RASSF8: variants seen among roughly 807,000 people sequenced by gnomAD.
The protein encoded by RASSF8 is ras association domain-containing protein 8.
In RASSF8, 22 loss-of-function variants were observed where a neutral mutation model predicts 48.5. The ratio of observed to expected loss-of-function variants is 0.45; its 90% CI spans 0.32 to 0.65. RASSF8 has a LOEUF of 0.65. Ranked by LOEUF, RASSF8 falls within the 30% of genes least tolerant of loss-of-function variation. The pLI, the probability that RASSF8 is intolerant of heterozygous loss-of-function variation, is 0.03. For synonymous variants in RASSF8, 127 were observed against 171.5 expected (o/e 0.74, Z 2.03); for missense variants, 418 against 489.2 (o/e 0.85, Z 1.37).
intron 1 of RASSF8, among the ~76,000 whole-genome samples, chr12:25,980,490 C>T (rs1941715472): frequency 6.6e-6 from 1 of 152,188 alleles, no homozygotes; most frequent in Non-Finnish European, 1.5e-5. Context: ...CTGCGTCTTC[C>T]AAACAGGGTT....
At position 26,064,858 on chromosome 12, in the gene RASSF8, T is replaced by G; in HGVS notation, c.464T>G (p.Val155Gly). Residue 155 changes from valine (V) to glycine (G), a missense_variant, in exon 4 of 6, where the codon GTG (valine) becomes GGG (glycine). Transcript: ENST00000689635. The part of the protein sequence containing the change: ...KGKETEFKQK[V>G]LNNCKTTADE... The stretch of plus-strand genomic sequence containing the variant: ...AAAGAAACTGAGTTTAAGCAAAAGG[T>G]GCTGAATAACTGCAAAACAACAGCA... The G allele has an allele frequency of 6.2e-7, 1 of 1,614,166 alleles. No individual in the cohort carries two copies. Among genetic ancestry groups the G allele is most frequent in the Non-Finnish European group, 8.5e-7 (1 of 1,180,028 alleles).
At chr12:26,019,469 G>A (rs565115490) in intron 2 of RASSF8, among the ~76,000 whole-genome samples, 1 of 152,062 alleles carries the variant, frequency 6.6e-6, no homozygotes, top group Non-Finnish European at 1.5e-5. Context: ...TAACTGTGGT[G>A]CAACAAAATC....
Position 26,067,657 on chromosome 12 carries a change from C to A in RASSF8, c.1082C>A (p.Thr361Asn). The change falls in exon 5 of 6, where the codon ACC becomes AAC. Residue 361 changes from threonine to asparagine, a missense_variant. By Grantham distance (65) the Thr-to-Asn change is moderately conservative. Transcript: ENST00000689635. ...QFIQQTGTKV[T>N]VLPAEPIEIE... is the part of the protein sequence containing the mutation. Reference sequence around the variant, plus strand: ...ATCCAGCAGACAGGGACAAAAGTTACCGTTTTGCCAGCGGAGCCCATTGAA... The same window carrying A: ...ATCCAGCAGACAGGGACAAAAGTTAACGTTTTGCCAGCGGAGCCCATTGAA... 6.2e-7 allele frequency: 1 copy of A among 1,614,196 alleles called. No homozygotes were observed. The highest frequency in any genetic ancestry group is 8.5e-7 in the Non-Finnish European group (1 of 1,180,010).
chr12:25,963,597 T>A (rs930506709), intron 1 of RASSF8, among the ~76,000 whole-genome samples: 7 of 152,296 alleles, frequency 4.6e-5, no homozygotes, highest in African/African-American at 1.7e-4. Context: ...GTTTTGTATC[T>A]TATAGATCAC....
At chr12:26,033,729 C>T (rs992541460) in intron 2 of RASSF8, among the ~76,000 whole-genome samples, 3 of 151,944 alleles carry the variant, frequency 2.0e-5, no homozygotes, top group African/African-American at 7.2e-5. Flanking sequence ...TGTTTCTTTG[C>T]ATTTAATATG....
At chr12:25,991,465 G>C (rs982139295) in intron 1 of RASSF8, among the ~76,000 whole-genome samples, 8 of 151,838 alleles carry the variant, frequency 5.3e-5, no homozygotes, top group African/African-American at 1.9e-4. Flanking sequence ...CAGGGATCCA[G>C]GAATGGCTTG....
chr12:26,031,098 T>A (rs181715934), intron 2 of RASSF8, among the ~76,000 whole-genome samples: 1 of 152,306 alleles, frequency 6.6e-6, no homozygotes, highest in African/African-American at 2.4e-5. Flanking sequence ...TCTTTACAGT[T>A]ACGTAATGCC....
At chr12:26,041,243 ATGT>A (rs759512762) in intron 2 of RASSF8, among the ~76,000 whole-genome samples, 6 of 152,074 alleles carry the variant, frequency 3.9e-5, no homozygotes, top group African/African-American at 9.7e-5. Context: ...TCTGCTGAAT[ATGT>A]TGTTATCTAT....
chr12:26,060,099 G>T (rs187028520), intron 3 of RASSF8, among the ~76,000 whole-genome samples: 1 of 152,068 alleles, frequency 6.6e-6, no homozygotes, highest in Non-Finnish European at 1.5e-5. Context: ...GGGTTTCACC[G>T]TGTTAGCCAG....
chr12:26,068,933 T>A lies in RASSF8; in HGVS notation c.*115T>A, dbSNP rs61738414. Reference sequence around the variant, plus strand: ...TATTCCACAAGACGCTGTATGTTTTTTCTCTCCTAAATTGCATACCACTTG... The same window carrying A: ...TATTCCACAAGACGCTGTATGTTTTATCTCTCCTAAATTGCATACCACTTG... On this transcript the variant is annotated 3_prime_UTR_variant, in exon 6 of 6. Transcript: ENST00000689635. 1.4e-3 allele frequency: 2,033 copies of A among 1,457,522 alleles called. 30 individuals carry two copies. The African/African-American group carries it at 0.023, about 17-fold the overall frequency. 90.3% of individuals were successfully genotyped at this position (1,457,522 alleles called of 1,614,324 possible).
intron 2 of RASSF8, among the ~76,000 whole-genome samples, chr12:26,034,200 T>A (rs4963950): frequency 0.17 from 25,925 of 151,860 alleles, 2,305 homozygotes; most frequent in Middle Eastern, 0.29. Context: ...TCAACTAAGA[T>A]AATCACAGCA....
chr12:26,067,793 A>G, intron 5 of RASSF8, 80 bp downstream of exon 5: 2 of 1,550,804 alleles, frequency 1.3e-6, no homozygotes. Flanking sequence ...TTGAGATAGT[A>G]TCACTGTATC....
intron 2 of RASSF8, among the ~76,000 whole-genome samples, chr12:26,027,673 G>C (rs1942945147): frequency 6.6e-6 from 1 of 152,196 alleles, no homozygotes; most frequent in Admixed American, 6.5e-5. Flanking sequence ...AGATTGGAAA[G>C]TTACTAATCA....
intron 2 of RASSF8, among the ~76,000 whole-genome samples, chr12:26,037,569 G>C (rs1411540545): frequency 6.6e-6 from 1 of 152,082 alleles, no homozygotes; most frequent in Non-Finnish European, 1.5e-5. Flanking sequence ...ATTGTGTTTA[G>C]TTAATAATAT....
At position 25,983,470 on chromosome 12, in the gene RASSF8, T is replaced by C. The variant is rs148479605; in HGVS notation, c.-202-11567T>C. Among the ~76,000 whole-genome samples the C allele has an allele frequency of 2.0e-4, 31 of 152,354 alleles. 1 individual carries two copies. The highest frequency in any genetic ancestry group is 7.0e-4 in the African/African-American group (29 of 41,586). On this transcript the variant is annotated intron_variant, in intron 1 of 5. Transcript: ENST00000689635. ...GATTTAAGCCAAAGTATCTAGAAAC[T>C]GATCTTATCAGTTCTCTACTAAAGG...
intron 3 of RASSF8, among the ~76,000 whole-genome samples, chr12:26,062,753 C>G (rs769490174): frequency 1.3e-5 from 2 of 152,222 alleles, no homozygotes; most frequent in African/African-American, 2.4e-5. Flanking sequence ...TAAAGGAATT[C>G]TGTGGTCAGC....
downstream of RASSF8, among the ~76,000 whole-genome samples, chr12:26,075,041 ACTT>A (rs1183340563): frequency 6.6e-6 from 1 of 152,228 alleles, no homozygotes; most frequent in Non-Finnish European, 1.5e-5. Context: ...CAGAAAGACT[ACTT>A]AAGAGGCCTG....
At chr12:26,017,798 C>T (rs1258907371) in intron 2 of RASSF8, among the ~76,000 whole-genome samples, 1 of 152,246 alleles carries the variant, frequency 6.6e-6, no homozygotes, top group Non-Finnish European at 1.5e-5. Context: ...CTGTGTCTCA[C>T]TAGTGCCCTC....
chr12:26,066,439 T>G (rs1481005709), intron 4 of RASSF8, among the ~76,000 whole-genome samples: 1 of 152,182 alleles, frequency 6.6e-6, no homozygotes, highest in Non-Finnish European at 1.5e-5. Context: ...ACTGATGTGA[T>G]CTCCTTTCTC....
Sources: gnomAD v4.1 joint callset for allele counts (sites outside exome capture counted in the v4.1 genomes callset) on GRCh38, gnomAD v4.1.1 for gene constraint, MANE v1.5 for transcripts, NCBI Gene and HGNC (gene_info 2026-07-23, HGNC 2026-07-21) for gene names.